Variants in MICAL2 observed in about 807,000 individuals in gnomAD.
MICAL2 encodes the protein [F-actin]-monooxygenase MICAL2.
Under a neutral mutation model 127.3 loss-of-function variants are expected in MICAL2, and 77 were observed. That is an observed-to-expected ratio of 0.60 (90% CI 0.50 to 0.73). MICAL2 has a LOEUF of 0.73. Ranked by LOEUF, MICAL2 falls within the 30% of genes least tolerant of loss-of-function variation. The probability of loss-of-function intolerance (pLI) is 0.00; values close to 1 mark genes in which losing one functional copy is unlikely to be tolerated. For missense variants in MICAL2, 1,351 were observed against 1,434.4 expected, an observed-to-expected ratio of 0.94 and a Z score of 0.94; for synonymous variants, 570 against 551.1, an observed-to-expected ratio of 1.03 and a Z score of -0.48.
At chr11:12,279,931 G>C (rs1306721599) in intron 1 of MICAL2, among the ~76,000 whole-genome samples, 1 of 152,242 alleles carries the variant, frequency 6.6e-6, no homozygotes, top group Non-Finnish European at 1.5e-5. Context: ...ACAGGTGGAC[G>C]AGTGGCAGTG....
intron 26 of MICAL2, chr11:12,262,258 T>G: frequency 1.4e-6 from 2 of 1,411,466 alleles, no homozygotes; most frequent in Non-Finnish European, 1.8e-6. Context: ...AGATGCAAAC[T>G]GTGTGCATCC....
At chr11:12,298,563 T>C (rs1864012226) in intron 29 of MICAL2, among the ~76,000 whole-genome samples, 1 of 152,178 alleles carries the variant, frequency 6.6e-6, no homozygotes. Flanking sequence ...CTTAATATAT[T>C]CCTACTCATA....
At chr11:12,331,539 TA>T (rs1475923296) in intron 32 of MICAL2, among the ~76,000 whole-genome samples, 2 of 151,928 alleles carry the variant, frequency 1.3e-5, no homozygotes, top group Non-Finnish European at 2.9e-5. Flanking sequence ...ACCGGGGAGG[TA>T]GCTGAGCTTA....
At chr11:12,198,882 C>G (rs1035305386) in intron 3 of MICAL2, among the ~76,000 whole-genome samples, 2 of 152,252 alleles carry the variant, frequency 1.3e-5, no homozygotes, top group African/African-American at 2.4e-5. Context: ...GAAGCTCAGG[C>G]TGGACCTGGC....
intron 1 of MICAL2, among the ~76,000 whole-genome samples, chr11:12,124,655 A>G (rs1850769832): frequency 6.6e-6 from 1 of 152,148 alleles, no homozygotes; most frequent in Non-Finnish European, 1.5e-5. Context: ...TATCCTTTTT[A>G]AAAAACAAAA....
chr11:12,359,427 A>G (rs1049549889), downstream of MICAL2, among the ~76,000 whole-genome samples: 2 of 152,020 alleles, frequency 1.3e-5, no homozygotes, highest in Admixed American at 1.3e-4. Flanking sequence ...ACACTAGGGT[A>G]CAAGAGAAGG....
chr11:12,111,607 C>A (rs1412150978), intron 1 of MICAL2, among the ~76,000 whole-genome samples: 3 of 152,224 alleles, frequency 2.0e-5, no homozygotes, highest in African/African-American at 4.8e-5. Flanking sequence ...GGCCTGGGTT[C>A]TTAAAGCGGA....
In MICAL2 at chr11:12,205,457, T is replaced by C. The variant is rs76500706; in HGVS notation, c.472+1000T>C. ...TATACTTGAATTCCACAGGGCCAACTTCAGGACTTAAGTATGCATGGATTT... is the reference window on the plus strand; with the variant it reads ...TATACTTGAATTCCACAGGGCCAACCTCAGGACTTAAGTATGCATGGATTT... On this transcript the variant is annotated intron_variant, in intron 4 of 27. Transcript: ENST00000683283. Among the ~76,000 whole-genome samples, 833 of 152,288 alleles carry C rather than the reference T, an allele frequency of 5.5e-3. 18 individuals carry two copies. The East Asian group carries it at 0.069, about 13-fold the overall frequency.
At chr11:12,340,264 A>G (rs1372743096) in intron 32 of MICAL2, among the ~76,000 whole-genome samples, 1 of 152,278 alleles carries the variant, frequency 6.6e-6, no homozygotes, top group Non-Finnish European at 1.5e-5. Context: ...TTCTCTTCAC[A>G]GAAGAATACT....
intron 16 of MICAL2, among the ~76,000 whole-genome samples, chr11:12,238,098 T>TA (rs1458672367): frequency 6.7e-6 from 1 of 148,500 alleles, no homozygotes; most frequent in African/African-American, 2.5e-5. Flanking sequence ...AGGGATCTTT[T>TA]TAAAAAAAAA....
chr11:12,290,253 C>A (rs968913390), downstream of MICAL2, among the ~76,000 whole-genome samples: 1 of 152,104 alleles, frequency 6.6e-6, no homozygotes, highest in South Asian at 2.1e-4. Context: ...GAGAAAGAGA[C>A]CCCCTAGCAG....
chr11:12,203,614 A>G (rs1423357178), intron 3 of MICAL2, among the ~76,000 whole-genome samples: 3 of 152,068 alleles, frequency 2.0e-5, no homozygotes, highest in Non-Finnish European at 1.5e-5. Flanking sequence ...GGCTATTTGT[A>G]TTTTTATTAT....
intron 1 of MICAL2, among the ~76,000 whole-genome samples, chr11:12,279,978 A>T (rs1348943217): frequency 6.6e-6 from 1 of 152,242 alleles, no homozygotes; most frequent in Non-Finnish European, 1.5e-5. Flanking sequence ...TTCCATGTAC[A>T]GAGAGTGTGT....
At chr11:12,275,850 T>C (rs938213911), upstream of MICAL2, 3 of 397,356 alleles carry the variant, frequency 7.5e-6, no homozygotes, top group Non-Finnish European at 1.3e-5. Flanking sequence ...GTTCCAGAGG[T>C]GGCACGGAGG....
rs1854389045 is a variant in MICAL2 at position 12,204,249 on chromosome 11, G to T, written c.265-1G>T. 1 of 1,613,962 alleles carries T rather than the reference G, an allele frequency of 6.2e-7. No individual in the cohort carries two copies. On this transcript the variant is annotated splice_acceptor_variant, in intron 3 of 27. Coordinates refer to ENST00000683283, the MANE Select transcript of MICAL2 (RefSeq NM_001282663.2). LOFTEE classifies it high-confidence loss of function. ...GTCTCTCTCCTCTCTCACCTCTGCA[G>T]TGTCTCATAGTTGGGGGAGGACCCT...
intron 34 of MICAL2, among the ~76,000 whole-genome samples, chr11:12,357,446 A>C (rs1436424097): frequency 2.6e-5 from 4 of 152,228 alleles, no homozygotes; most frequent in Non-Finnish European, 5.9e-5. Context: ...AGGGAAAAGC[A>C]AAGTCAGTGT....
intron 22 of MICAL2, chr11:12,255,421 T>C (rs1189417577): frequency 3.6e-6 from 2 of 548,542 alleles, no homozygotes; most frequent in Non-Finnish European, 6.6e-6. Flanking sequence ...AATCCTAGAG[T>C]ACTTGTGTTT....
chr11:12,353,322 C>T (rs1396960854), intron 33 of MICAL2, among the ~76,000 whole-genome samples: 6 of 152,220 alleles, frequency 3.9e-5, no homozygotes, highest in Non-Finnish European at 8.8e-5. Context: ...TTTCTCTTTT[C>T]TCTCAAAACA....
intron 2 of MICAL2, among the ~76,000 whole-genome samples, chr11:12,144,562 C>A (rs1483815971): frequency 6.6e-6 from 1 of 152,188 alleles, no homozygotes; most frequent in African/African-American, 2.4e-5. Context: ...CCGAGACTGT[C>A]CCACAGAGGT....
Sources: allele counts gnomAD v4.1 joint callset (sites outside exome capture counted in the v4.1 genomes callset), GRCh38; gene constraint gnomAD v4.1.1; transcripts MANE v1.5; gene names NCBI Gene and HGNC (gene_info 2026-07-23, HGNC 2026-07-21).